The following IL1RAPL2 variants were observed in gnomAD, a reference collection of about 807,000 sequenced individuals.
The protein encoded by IL1RAPL2 is interleukin 1 receptor accessory protein like 2, also known as X-linked interleukin-1 receptor accessory protein-like 2.
A neutral mutation model predicts 44.1 loss-of-function variants in IL1RAPL2; 3 were observed. The observed-to-expected ratio is 0.07, with a 90% confidence interval of 0.03 to 0.18. IL1RAPL2 has a LOEUF of 0.18. Ranked by LOEUF, IL1RAPL2 falls within the 10% of genes least tolerant of loss-of-function variation. The probability of loss-of-function intolerance (pLI) is 1.00; values close to 1 mark genes in which losing one functional copy is unlikely to be tolerated. For missense variants in IL1RAPL2, 391 were observed against 496.4 expected (o/e 0.79, Z 2.02); for synonymous variants, 181 against 178.8 (o/e 1.01, Z -0.10).
chrX:104,993,443 A>C (rs1417620252), intron 2 of IL1RAPL2, among the ~76,000 whole-genome samples: 1 of 111,917 alleles, frequency 8.9e-6, no homozygotes, highest in Non-Finnish European at 1.9e-5. Context: ...AGTAAAGGCA[A>C]ACAGCTAATC....
chrX:104,610,410 A>G (rs1483586881), intron 1 of IL1RAPL2, among the ~76,000 whole-genome samples: 1 of 112,021 alleles, frequency 8.9e-6, no homozygotes, highest in South Asian at 3.8e-4. Flanking sequence ...AATCTCCTTA[A>G]GCTGATAAGC....
At chrX:105,335,302 C>T (rs2035020019) in intron 5 of IL1RAPL2, among the ~76,000 whole-genome samples, 1 of 111,240 alleles carries the variant, frequency 9.0e-6, no homozygotes. Context: ...CATATACATT[C>T]GTATGTAAGA....
rs1556198723 is a variant in IL1RAPL2 at position 105,233,967 on chromosome X, A to AATT, written c.507_508insTTA (p.Lys169_Lys170insLeu). 8.3e-7 allele frequency: 1 copy of AATT among 1,210,291 alleles called. No homozygotes were observed. The stretch of plus-strand genomic sequence containing the variant: ...TCCTGTCCAGACATGGATGACTTTA[A>AATT]AAAGTCCGATCAGGAGCCTGATGTT... On this transcript the variant is annotated inframe_insertion, in exon 4 of 11. Transcript: ENST00000372582.
At chrX:105,547,444 G>A (rs1171354081) in intron 6 of IL1RAPL2, among the ~76,000 whole-genome samples, 4 of 111,995 alleles carry the variant, frequency 3.6e-5, no homozygotes, top group Non-Finnish European at 7.5e-5. Flanking sequence ...TAATTCAGCT[G>A]TTACTATCTA....
chrX:105,318,944 T>G (rs185817475), intron 5 of IL1RAPL2, among the ~76,000 whole-genome samples: 25 of 112,524 alleles, frequency 2.2e-4, no homozygotes, highest in African/African-American at 7.7e-4. Flanking sequence ...TGCTGGGATT[T>G]TCATGCCCAC....
At chrX:105,471,280 G>A (rs1278040995) in intron 5 of IL1RAPL2, among the ~76,000 whole-genome samples, 2 of 112,045 alleles carry the variant, frequency 1.8e-5, no homozygotes, top group East Asian at 2.8e-4. Context: ...AGGTCACAAA[G>A]TAAGTGCTAG....
At chrX:105,383,901 T>C (rs1423564603) in intron 5 of IL1RAPL2, among the ~76,000 whole-genome samples, 1 of 112,181 alleles carries the variant, frequency 8.9e-6, no homozygotes, top group African/African-American at 3.2e-5. Flanking sequence ...GCCATTTATA[T>C]GTCTTCTTTT....
At chrX:104,661,106 T>G (rs1237400806) in intron 2 of IL1RAPL2, among the ~76,000 whole-genome samples, 3 of 111,751 alleles carry the variant, frequency 2.7e-5, no homozygotes, top group African/African-American at 9.7e-5. Context: ...CTTTGTTTTC[T>G]TAGTGTGGAC....
intron 6 of IL1RAPL2, among the ~76,000 whole-genome samples, chrX:105,598,466 A>G (rs755765773): frequency 7.2e-5 from 8 of 111,266 alleles, no homozygotes; most frequent in African/African-American, 2.6e-4. Flanking sequence ...TTATTGAAAA[A>G]AGGAAACTAT....
intron 6 of IL1RAPL2, among the ~76,000 whole-genome samples, chrX:105,623,111 A>G (rs1419000192): frequency 1.8e-5 from 2 of 111,284 alleles, no homozygotes; most frequent in African/African-American, 6.5e-5. Context: ...ACATTATTCT[A>G]TGTGTCTTAC....
chrX:104,711,138 G>C (rs1017815315), intron 2 of IL1RAPL2, among the ~76,000 whole-genome samples: 1 of 111,149 alleles, frequency 9.0e-6, no homozygotes, highest in African/African-American at 3.3e-5. Flanking sequence ...TGTTACAATT[G>C]CCTACAATAT....
intron 6 of IL1RAPL2, among the ~76,000 whole-genome samples, chrX:105,489,518 C>A (rs1198258109): frequency 2.7e-5 from 3 of 110,976 alleles, no homozygotes; most frequent in African/African-American, 3.3e-5. Context: ...AACTGTAACA[C>A]ACTCCTGGAA....
intron 7 of IL1RAPL2, among the ~76,000 whole-genome samples, chrX:105,727,441 A>C (rs2038361397): frequency 1.8e-5 from 2 of 111,630 alleles, no homozygotes; most frequent in South Asian, 3.7e-4. Flanking sequence ...CCTACATGTA[A>C]ATATTAGTAC....
intron 6 of IL1RAPL2, among the ~76,000 whole-genome samples, chrX:105,582,437 C>T (rs2037095564): frequency 9.0e-6 from 1 of 111,338 alleles, no homozygotes; most frequent in Non-Finnish European, 1.9e-5. Context: ...GTAACTCTTC[C>T]ACTCCAAGAA....
intron 10 of IL1RAPL2, among the ~76,000 whole-genome samples, chrX:105,756,122 T>C (rs2038636726): frequency 8.9e-6 from 1 of 112,086 alleles, no homozygotes; most frequent in Non-Finnish European, 1.9e-5. Flanking sequence ...ATATAAGTAC[T>C]AATATCCTTG....
At chrX:104,874,236 A>G (rs1464899254) in intron 2 of IL1RAPL2, among the ~76,000 whole-genome samples, 1 of 107,799 alleles carries the variant, frequency 9.3e-6, no homozygotes, top group Admixed American at 1.0e-4. Flanking sequence ...GTCTATTTAC[A>G]GACCTCTAAA....
At chrX:105,419,631 A>G (rs1290191239) in intron 5 of IL1RAPL2, among the ~76,000 whole-genome samples, 2 of 112,171 alleles carry the variant, frequency 1.8e-5, no homozygotes, top group Non-Finnish European at 3.8e-5. Flanking sequence ...TTCTATATTT[A>G]TTACAAACCA....
At chrX:104,863,629 T>C in intron 2 of IL1RAPL2, among the ~76,000 whole-genome samples, 1 of 112,182 alleles carries the variant, frequency 8.9e-6, no homozygotes. Flanking sequence ...ACAGCTTTGC[T>C]GTAGTCAAAA....
chrX:105,065,155 T>C (rs2032121776), intron 2 of IL1RAPL2, among the ~76,000 whole-genome samples: 1 of 112,147 alleles, frequency 8.9e-6, no homozygotes, highest in South Asian at 3.7e-4. Flanking sequence ...TAATGGAATA[T>C]CTAGCCCCTG....
Sources: gnomAD v4.1 joint callset for allele counts (sites outside exome capture counted in the v4.1 genomes callset) on GRCh38, gnomAD v4.1.1 for gene constraint, MANE v1.5 for transcripts, NCBI Gene and HGNC (gene_info 2026-07-23, HGNC 2026-07-21) for gene names.